Variants in EYS observed in about 807,000 individuals in gnomAD.
EYS encodes the protein EGF-like photoreceptor maintenance factor.
EYS carries 250 observed loss-of-function variants against 282.1 expected under a neutral mutation model. The observed-to-expected ratio is 0.89, with a 90% CI of 0.80 to 0.98. The LOEUF is 0.98. Ranked by LOEUF, EYS falls within the 50% of genes least tolerant of loss-of-function variation. The pLI, the probability that EYS is intolerant of heterozygous loss-of-function variation, is 0.00. For synonymous variants in EYS, 1,355 were observed against 1,282.9 expected (o/e 1.06, Z -1.20); for missense variants, 4,016 against 3,709.0 (o/e 1.08, Z -2.15).
intron 19 of EYS, among the ~76,000 whole-genome samples, chr6:64,844,067 C>T (rs1263173866): frequency 6.6e-6 from 1 of 152,022 alleles, no homozygotes; most frequent in African/African-American, 2.4e-5. Flanking sequence ...GTGCCTTTCA[C>T]CTCCCACCAT....
At chr6:65,037,629 A>AT (rs1361472569) in intron 13 of EYS, among the ~76,000 whole-genome samples, 1 of 151,786 alleles carries the variant, frequency 6.6e-6, no homozygotes, top group Admixed American at 6.6e-5. Flanking sequence ...AAATACACAT[A>AT]TGTGTTAATC....
intron 2 of EYS, among the ~76,000 whole-genome samples, chr6:65,542,893 C>A (rs973982238): frequency 5.9e-5 from 9 of 152,128 alleles, no homozygotes; most frequent in African/African-American, 2.2e-4. Context: ...ACTTTGATAA[C>A]ATGAATAAAA....
intron 30 of EYS, among the ~76,000 whole-genome samples, chr6:64,249,164 GATT>G (rs1767123376): frequency 6.7e-6 from 1 of 149,788 alleles, no homozygotes; most frequent in African/African-American, 2.5e-5. Context: ...TCCATTAATA[GATT>G]ATTGGACAAA....
intron 12 of EYS, among the ~76,000 whole-genome samples, chr6:65,286,163 A>T (rs758337980): frequency 6.6e-6 from 1 of 151,802 alleles, no homozygotes; most frequent in Admixed American, 6.6e-5. Context: ...TTTAATCTCT[A>T]TTCTCATTTA....
chr6:64,618,370 T>G (rs1767341113), intron 23 of EYS, among the ~76,000 whole-genome samples: 1 of 152,162 alleles, frequency 6.6e-6, no homozygotes, highest in Admixed American at 6.6e-5. Flanking sequence ...CATGTTAACC[T>G]AAGTATACCC....
intron 12 of EYS, among the ~76,000 whole-genome samples, chr6:65,236,374 G>A (rs1443427527): frequency 1.3e-5 from 2 of 152,148 alleles, no homozygotes; most frequent in African/African-American, 4.8e-5. Flanking sequence ...AACTTCTGGA[G>A]GCCAAGGCAG....
At chr6:64,742,204 A>G (rs1375923070) in intron 22 of EYS, among the ~76,000 whole-genome samples, 1 of 151,726 alleles carries the variant, frequency 6.6e-6, no homozygotes, top group Non-Finnish European at 1.5e-5. Flanking sequence ...AAATAGAGAG[A>G]TTTGAGGAGA....
At chr6:65,085,577 A>G (rs966671225) in intron 12 of EYS, among the ~76,000 whole-genome samples, 2 of 152,182 alleles carry the variant, frequency 1.3e-5, no homozygotes, top group Non-Finnish European at 2.9e-5. Context: ...AAAATTAAAT[A>G]GGATAACTGA....
Position 64,302,532 on chromosome 6 carries a change from C to T in EYS, c.6191+4438G>A, listed in dbSNP as rs189600872. 1.1e-4 allele frequency among the ~76,000 whole-genome samples: 17 copies of T among 152,212 alleles called. No homozygotes were observed. The East Asian group carries it at 2.5e-3, about 23-fold the overall frequency. On this transcript the variant is annotated intron_variant, in intron 30 of 42. Transcript: ENST00000503581. The stretch of plus-strand genomic sequence containing the variant: ...ACTTTTGCATTTATGGGGCAGCCCA[C>T]AAAAATTGAAACTGATAATGGTCCA...
chr6:64,538,083 G>C (rs1468994142), intron 26 of EYS, among the ~76,000 whole-genome samples: 1 of 152,054 alleles, frequency 6.6e-6, no homozygotes, highest in East Asian at 1.9e-4. Context: ...AAAATTGTTC[G>C]GGAAATTTTT....
intron 26 of EYS, among the ~76,000 whole-genome samples, chr6:64,476,496 C>T (rs1776269673): frequency 6.6e-6 from 1 of 152,052 alleles, no homozygotes; most frequent in South Asian, 2.1e-4. Context: ...CAAGGTGATA[C>T]AGTTAACTCT....
rs138785006 is a variant in EYS, at chr6:64,560,969, G to A, written c.5644+29254C>T. 6.1e-3 allele frequency among the ~76,000 whole-genome samples: 922 copies of A among 152,170 alleles called. 12 individuals carry two copies. The highest frequency in any genetic ancestry group is 0.021 in the African/African-American group (874 of 41,532). On this transcript the variant is annotated intron_variant, in intron 26 of 42. Transcript: ENST00000503581. Reference sequence around the variant, plus strand: ...AAATACTTGAAAACCAAATCTAGCAGCACATCAAAAAGTTAATTCAACATG... The same window carrying A: ...AAATACTTGAAAACCAAATCTAGCAACACATCAAAAAGTTAATTCAACATG...
At chr6:65,388,956 T>C (rs1449997778) in intron 7 of EYS, among the ~76,000 whole-genome samples, 1 of 152,066 alleles carries the variant, frequency 6.6e-6, no homozygotes, top group African/African-American at 2.4e-5. Flanking sequence ...AAACATTGTA[T>C]TGACTCCATC....
chr6:65,262,753 T>C (rs1269788099), intron 12 of EYS, among the ~76,000 whole-genome samples: 2 of 152,100 alleles, frequency 1.3e-5, no homozygotes, highest in Non-Finnish European at 2.9e-5. Context: ...TGAGATGCAC[T>C]AGTTAGGTTC....
Position 65,604,844 on chromosome 6 carries a change from T to TCCC in EYS, c.-333+34933_-333+34934insGGG, listed in dbSNP as rs1491026006. ...AAGACCTTTAAATTCACTGCCCCCT[T>TCCC]TTTTTTTTTTTTTTTTTGAGACAGG... On this transcript the variant is annotated intron_variant, in intron 2 of 42. Coordinates refer to ENST00000503581, the MANE Select transcript of EYS (RefSeq NM_001142800.2). Among the ~76,000 whole-genome samples, 7 of 78,026 alleles carry TCCC rather than the reference T, an allele frequency of 9.0e-5. No homozygotes were observed. In the East Asian group the frequency reaches 1.0e-3, roughly 11 times the overall value. The allele number at this position is 78,026 out of a possible 152,430, so 51.2% of individuals were successfully genotyped here.
intron 26 of EYS, among the ~76,000 whole-genome samples, chr6:64,567,179 A>G (rs1487532623): frequency 2.0e-5 from 3 of 152,196 alleles, no homozygotes; most frequent in African/African-American, 7.2e-5. Context: ...CAAAAATGCA[A>G]TAACGCATTT....
At chr6:63,831,950 C>T (rs956963034) in intron 36 of EYS, among the ~76,000 whole-genome samples, 1 of 152,104 alleles carries the variant, frequency 6.6e-6, no homozygotes, top group Non-Finnish European at 1.5e-5. Flanking sequence ...ACTGAACAAC[C>T]TGCTCCTGAA....
intron 22 of EYS, among the ~76,000 whole-genome samples, chr6:64,795,900 C>T (rs1460559575): frequency 6.6e-6 from 1 of 152,134 alleles, no homozygotes; most frequent in East Asian, 1.9e-4. Context: ...AGGGTTTATG[C>T]ATTGTAGAAT....
At chr6:65,155,081 T>C (rs901935163) in intron 12 of EYS, among the ~76,000 whole-genome samples, 1 of 151,544 alleles carries the variant, frequency 6.6e-6, no homozygotes, top group African/African-American at 2.4e-5. Flanking sequence ...TTATTACACA[T>C]AAGCAAATGC....
Sources: gnomAD v4.1 joint callset for allele counts (sites outside exome capture counted in the v4.1 genomes callset) on GRCh38, gnomAD v4.1.1 for gene constraint, MANE v1.5 for transcripts, NCBI Gene and HGNC (gene_info 2026-07-23, HGNC 2026-07-21) for gene names.